The following CTIF variants were observed in gnomAD, a reference collection of about 807,000 sequenced individuals.
CTIF encodes the protein cap binding complex dependent translation initiation factor.
Under a neutral mutation model 66.0 loss-of-function variants are expected in CTIF, and 21 were observed. That is an observed-to-expected ratio of 0.32 (90% confidence interval 0.23 to 0.46). The LOEUF is 0.46. CTIF is among the 20% of genes least tolerant of loss of function. CTIF has a pLI of 1.00. For synonymous variants in CTIF, 345 were observed against 326.4 expected (o/e 1.06, Z -0.62); for missense variants, 739 against 812.7 (o/e 0.91, Z 1.10).
At chr18:48,576,489 C>G (rs1226580789) in intron 1 of CTIF, among the ~76,000 whole-genome samples, 1 of 152,246 alleles carries the variant, frequency 6.6e-6, no homozygotes, top group Non-Finnish European at 1.5e-5. Flanking sequence ...ACTTGCCACT[C>G]TGCTCACGTT....
At chr18:48,680,686 C>T (rs1039106540) in intron 6 of CTIF, among the ~76,000 whole-genome samples, 2 of 152,248 alleles carry the variant, frequency 1.3e-5, no homozygotes, top group Admixed American at 6.5e-5. Context: ...GCCAATTTGG[C>T]GATGCCCTTG....
chr18:48,589,118 C>T (rs891834146), intron 1 of CTIF, among the ~76,000 whole-genome samples: 2 of 152,234 alleles, frequency 1.3e-5, no homozygotes, highest in Non-Finnish European at 2.9e-5. Flanking sequence ...CAGGGACTCT[C>T]ATGCCTGCGT....
intron 9 of CTIF, among the ~76,000 whole-genome samples, chr18:48,774,861 C>T (rs527691974): frequency 4.6e-5 from 7 of 152,288 alleles, no homozygotes; most frequent in Admixed American, 1.3e-4. Context: ...TAGCTATAAT[C>T]GGAATAAGTG....
At chr18:48,818,891 G>A (rs749588365) in intron 10 of CTIF, among the ~76,000 whole-genome samples, 5 of 152,142 alleles carry the variant, frequency 3.3e-5, no homozygotes, top group African/African-American at 7.2e-5. Flanking sequence ...GTGTGGACAC[G>A]TCTTTCGAGA....
chr18:48,633,887 C>T (rs2090766920), intron 2 of CTIF, among the ~76,000 whole-genome samples: 1 of 152,090 alleles, frequency 6.6e-6, no homozygotes, highest in Non-Finnish European at 1.5e-5. Context: ...ACTCACCTTG[C>T]CGTAATATGA....
chr18:48,616,623 T>C (rs1227078060), intron 1 of CTIF, among the ~76,000 whole-genome samples: 1 of 152,202 alleles, frequency 6.6e-6, no homozygotes, highest in Non-Finnish European at 1.5e-5. Context: ...GCCGATTCCA[T>C]AGGGTTGCTG....
intron 1 of CTIF, among the ~76,000 whole-genome samples, chr18:48,551,178 G>A (rs2088871921): frequency 6.6e-6 from 1 of 151,040 alleles, no homozygotes; most frequent in African/African-American, 2.4e-5. Flanking sequence ...AGACACAGAT[G>A]GGGTCAACAG....
intron 5 of CTIF, among the ~76,000 whole-genome samples, chr18:48,666,487 A>G (rs1254080317): frequency 3.3e-5 from 5 of 152,184 alleles, no homozygotes; most frequent in Admixed American, 3.3e-4. Flanking sequence ...CTAGTTCACC[A>G]CATCAGGGTA....
intron 5 of CTIF, among the ~76,000 whole-genome samples, chr18:48,669,803 A>ATT (rs1188778872): frequency 2.5e-5 from 2 of 78,828 alleles, no homozygotes; most frequent in Non-Finnish European, 5.0e-5. Flanking sequence ...TTATATATAT[A>ATT]TATATATATA....
At chr18:48,618,745 T>G (rs2090440618) in intron 1 of CTIF, among the ~76,000 whole-genome samples, 1 of 152,206 alleles carries the variant, frequency 6.6e-6, no homozygotes, top group Non-Finnish European at 1.5e-5. Flanking sequence ...TTGGTGGACT[T>G]TAACTAGTGT....
At chr18:48,773,149 C>A (rs557845471) in intron 9 of CTIF, among the ~76,000 whole-genome samples, 2 of 152,244 alleles carry the variant, frequency 1.3e-5, no homozygotes, top group South Asian at 4.2e-4. Context: ...AAATCATAGA[C>A]CAGTGTAGAC....
intron 2 of CTIF, among the ~76,000 whole-genome samples, chr18:48,632,361 G>T (rs979373863): frequency 2.0e-5 from 3 of 152,172 alleles, no homozygotes; most frequent in South Asian, 2.1e-4. Context: ...CCTGCTGGGG[G>T]TTGTGCCCGC....
intron 7 of CTIF, among the ~76,000 whole-genome samples, chr18:48,749,882 G>A (rs940143915): frequency 3.3e-5 from 5 of 152,174 alleles, no homozygotes; most frequent in East Asian, 3.9e-4. Context: ...TCCATGGGCC[G>A]GATCTGGGAG....
In CTIF at chr18:48,862,529, G is replaced by A. The variant is rs2069495484; in HGVS notation, c.*2970G>A. 6.5e-6 allele frequency: 1 copy of A among 152,680 alleles called. No individual in the cohort carries two copies. The highest frequency in any genetic ancestry group is 2.1e-4 in the South Asian group (1 of 4,828). The allele number at this position is 152,680 out of a possible 1,614,324, so 9.5% of individuals were successfully genotyped here. A position where few individuals can be genotyped will look rare whatever the true frequency, so the allele number is the denominator to read the frequency against. ...CCAGGAGCCCCGCCACCCTCCACGG[G>A]ATGTGCACCCTCAGACCCCATTCTC... is the stretch of plus-strand genomic sequence containing the variant. On this transcript the variant is annotated 3_prime_UTR_variant, in exon 12 of 12. Coordinates refer to ENST00000256413, the MANE Select transcript of CTIF (RefSeq NM_014772.3).
chr18:48,559,210 A>C (rs1254914581), intron 1 of CTIF, among the ~76,000 whole-genome samples: 12 of 125,414 alleles, frequency 9.6e-5, no homozygotes. Flanking sequence ...ATTTTAAAAA[A>C]GTTTGTTGTT....
At chr18:48,573,731 T>A (rs1326609620) in intron 1 of CTIF, among the ~76,000 whole-genome samples, 1 of 152,000 alleles carries the variant, frequency 6.6e-6, no homozygotes, top group African/African-American at 2.4e-5. Flanking sequence ...GAGAGGGGTG[T>A]GGTTAGGTCA....
At position 48,570,151 on chromosome 18, in the gene CTIF, A is replaced by ATTGTCT. The variant is rs1237388760; in HGVS notation, c.-29+30839_-29+30840insTTGTCT. Among the ~76,000 whole-genome samples, 37 of 152,298 alleles carry ATTGTCT rather than the reference A, an allele frequency of 2.4e-4. 2 individuals are homozygous for ATTGTCT. The highest frequency in any genetic ancestry group is 8.9e-4 in the African/African-American group (37 of 41,562). On this transcript the variant is annotated intron_variant, in intron 1 of 11. Coordinates refer to ENST00000256413, the MANE Select transcript of CTIF (RefSeq NM_014772.3). Reference sequence around the variant, plus strand: ...CCCCTTGTAAAAAGAGGTAGACAATAACCACTCCCAGAGCTGTGGAGAGGC... The same window carrying ATTGTCT: ...CCCCTTGTAAAAAGAGGTAGACAATATTGTCTACCACTCCCAGAGCTGTGGAGAGGC...
At chr18:48,722,467 C>T (rs2092347664) in intron 7 of CTIF, among the ~76,000 whole-genome samples, 2 of 152,104 alleles carry the variant, frequency 1.3e-5, no homozygotes. Flanking sequence ...GCAATCCTCT[C>T]ACCTCAGCCT....
At chr18:48,812,491 A>C (rs1266306914) in intron 9 of CTIF, among the ~76,000 whole-genome samples, 3 of 152,206 alleles carry the variant, frequency 2.0e-5, no homozygotes, top group Non-Finnish European at 2.9e-5. Flanking sequence ...CTTTGTAAGA[A>C]GACTGTCTTT....
Sources: allele counts gnomAD v4.1 joint callset (sites outside exome capture counted in the v4.1 genomes callset), GRCh38; gene constraint gnomAD v4.1.1; transcripts MANE v1.5; gene names NCBI Gene and HGNC (gene_info 2026-07-23, HGNC 2026-07-21).